Variants in VAT1L observed in about 807,000 individuals in gnomAD.
VAT1L encodes the protein vesicle amine transport 1 like, also known as putative NADPH-dependent quinone oxidoreductase VAT1L.
VAT1L carries 34 observed loss-of-function variants against 44.1 expected under a neutral mutation model. That is an observed-to-expected ratio of 0.77 (90% CI 0.59 to 1.03). The LOEUF (loss-of-function observed/expected upper bound fraction) is 1.03. Among genes scored for constraint, VAT1L ranks in the 50% least tolerant of loss-of-function variants. The pLI is 0.00. For synonymous variants in VAT1L, 253 were observed against 202.2 expected (o/e 1.25, Z -2.13); for missense variants, 615 against 538.8 (o/e 1.14, Z -1.40).
At chr16:77,799,822 T>G (rs2016014759) in intron 1 of VAT1L, among the ~76,000 whole-genome samples, 1 of 152,154 alleles carries the variant, frequency 6.6e-6, no homozygotes, top group African/African-American at 2.4e-5. Context: ...TTGAGGCCCA[T>G]CATCTTGTAG....
At chr16:77,889,686 G>C (rs1567499383) in intron 7 of VAT1L, among the ~76,000 whole-genome samples, 1 of 152,198 alleles carries the variant, frequency 6.6e-6, no homozygotes, top group Non-Finnish European at 1.5e-5. Context: ...TTTAATGTCT[G>C]AGACAAAAAT....
intron 3 of VAT1L, among the ~76,000 whole-genome samples, chr16:77,827,038 C>A (rs1258064183): frequency 6.6e-6 from 1 of 152,168 alleles, no homozygotes; most frequent in Non-Finnish European, 1.5e-5. Context: ...AGCTCACATC[C>A]AGAACCATGA....
At chr16:77,949,279 C>T (rs963899962) in intron 7 of VAT1L, among the ~76,000 whole-genome samples, 2 of 152,142 alleles carry the variant, frequency 1.3e-5, no homozygotes, top group Non-Finnish European at 2.9e-5. Context: ...AAGGTCAAGT[C>T]TAGATTCTGG....
chr16:77,930,857 C>G (rs372192941), intron 7 of VAT1L, among the ~76,000 whole-genome samples: 14 of 152,178 alleles, frequency 9.2e-5, no homozygotes, highest in African/African-American at 3.4e-4. Context: ...GTTCTCTTGA[C>G]ACTGCATTCT....
intron 4 of VAT1L, among the ~76,000 whole-genome samples, chr16:77,865,579 A>G (rs1261662867): frequency 6.6e-6 from 1 of 152,194 alleles, no homozygotes; most frequent in Non-Finnish European, 1.5e-5. Flanking sequence ...CATTTTCGAC[A>G]TGTGCTCTGG....
At chr16:77,789,517 G>C (rs1476398488) in intron 1 of VAT1L, among the ~76,000 whole-genome samples, 1 of 152,114 alleles carries the variant, frequency 6.6e-6, no homozygotes, top group Non-Finnish European at 1.5e-5. Context: ...GAAGGGCCTG[G>C]GACAGGGTGC....
At position 77,879,957 on chromosome 16, in the gene VAT1L, C is replaced by A. The variant is rs2017132037; in HGVS notation, c.882+733C>A. On this transcript the variant is annotated intron_variant, in intron 6 of 8. Coordinates refer to ENST00000302536, the MANE Select transcript of VAT1L (RefSeq NM_020927.3). The surrounding 1 kb of genome is among the most constrained non-coding windows in gnomAD (Gnocchi z 4.1). ...CTTGAATCGGAGATAGAAATGAGGA[C>A]CCTATGACCTTAACAAGATCCTGAG... Among the ~76,000 whole-genome samples, 1 of 152,114 alleles carries A rather than the reference C, an allele frequency of 6.6e-6. No individual in the cohort carries two copies. The highest frequency in any genetic ancestry group is 6.6e-5 in the Admixed American group (1 of 15,266).
chr16:77,808,297 C>G (rs567084183), intron 1 of VAT1L, among the ~76,000 whole-genome samples: 1 of 152,120 alleles, frequency 6.6e-6, no homozygotes, highest in Admixed American at 6.5e-5. Context: ...CTGTCACTAT[C>G]TCCTGTCACC....
intron 7 of VAT1L, among the ~76,000 whole-genome samples, chr16:77,928,734 A>T (rs1050589404): frequency 7.1e-6 from 1 of 140,612 alleles, no homozygotes; most frequent in Admixed American, 7.6e-5. Flanking sequence ...TCTTAAATTG[A>T]TGGGGGTGTC....
chr16:77,932,557 G>T (rs1271644245), intron 7 of VAT1L, among the ~76,000 whole-genome samples: 1 of 152,184 alleles, frequency 6.6e-6, no homozygotes, highest in Non-Finnish European at 1.5e-5. Flanking sequence ...AAGTTCACAA[G>T]ATTTTGGTGT....
At chr16:77,858,010 T>C (rs1415889986) in intron 3 of VAT1L, among the ~76,000 whole-genome samples, 1 of 152,050 alleles carries the variant, frequency 6.6e-6, no homozygotes, top group African/African-American at 2.4e-5. Context: ...TACACTCAAC[T>C]CCTCCAGTTT....
At chr16:77,905,031 C>G (rs17626158) in intron 7 of VAT1L, among the ~76,000 whole-genome samples, 32,375 of 152,026 alleles carry the variant, frequency 0.21, 3,555 homozygotes, top group South Asian at 0.26. Flanking sequence ...GTTCCACGCT[C>G]AACAAGGAGA....
chr16:77,870,496 A>C (rs1188240699), intron 4 of VAT1L, among the ~76,000 whole-genome samples: 1 of 152,188 alleles, frequency 6.6e-6, no homozygotes, highest in Admixed American at 6.5e-5. Flanking sequence ...CACTCAAGAG[A>C]AATTCTTCCC....
chr16:77,830,770 G>A (rs952812494), intron 3 of VAT1L, among the ~76,000 whole-genome samples: 1 of 152,154 alleles, frequency 6.6e-6, no homozygotes, highest in Non-Finnish European at 1.5e-5. Flanking sequence ...TGCAGCCTCT[G>A]CCTCCCGGGT....
At chr16:77,907,288 T>C (rs2017447792) in intron 7 of VAT1L, among the ~76,000 whole-genome samples, 1 of 152,234 alleles carries the variant, frequency 6.6e-6, no homozygotes, top group Non-Finnish European at 1.5e-5. Context: ...GACAATACGA[T>C]GGCCTGAAGG....
At chr16:77,803,184 C>G (rs112224711) in intron 1 of VAT1L, among the ~76,000 whole-genome samples, 265 of 152,288 alleles carry the variant, frequency 1.7e-3, no homozygotes, top group African/African-American at 6.1e-3. Flanking sequence ...TGCTACTACT[C>G]TCTCCTCCTT....
chr16:77,883,549 C>T (rs2017177448), intron 6 of VAT1L, among the ~76,000 whole-genome samples: 1 of 152,102 alleles, frequency 6.6e-6, no homozygotes, highest in Non-Finnish European at 1.5e-5. Flanking sequence ...ATTCTTTGTC[C>T]TGAGCACTGT....
chr16:77,944,620 T>C (rs1267204423), intron 7 of VAT1L, among the ~76,000 whole-genome samples: 1 of 152,218 alleles, frequency 6.6e-6, no homozygotes. Flanking sequence ...ATAATGCCTG[T>C]AAGCCAGTTA....
chr16:77,855,079 C>T (rs562959024), intron 3 of VAT1L, among the ~76,000 whole-genome samples: 26 of 152,154 alleles, frequency 1.7e-4, no homozygotes, highest in African/African-American at 4.1e-4. Context: ...TGCTGTTTCA[C>T]GCCTGTAATC....
Sources: allele counts gnomAD v4.1 joint callset (sites outside exome capture counted in the v4.1 genomes callset), GRCh38; gene constraint gnomAD v4.1.1; non-coding constraint Gnocchi (gnomAD v3.1); transcripts MANE v1.5; gene names NCBI Gene and HGNC (gene_info 2026-07-23, HGNC 2026-07-21).